LRRC37B: variants seen among roughly 807,000 people sequenced by gnomAD.
The protein encoded by LRRC37B is leucine-rich repeat-containing protein 37B.
Under a neutral mutation model 98.3 loss-of-function variants are expected in LRRC37B, and 28 were observed. That is an observed-to-expected ratio of 0.28 (90% CI 0.21 to 0.39). The LOEUF is 0.39. LRRC37B is among the 10% of genes least tolerant of loss of function. The probability of loss-of-function intolerance (pLI) is 1.00; values close to 1 mark genes in which losing one functional copy is unlikely to be tolerated. For missense variants in LRRC37B, 938 were observed against 1,182.7 expected, an observed-to-expected ratio of 0.79 and a Z score of 3.03; for synonymous variants, 364 against 442.7, an observed-to-expected ratio of 0.82 and a Z score of 2.23.
chr17:32,027,597 A>G (rs1238444469), intron 2 of LRRC37B, among the ~76,000 whole-genome samples, 172 bp from the exon 6 acceptor site: 1 of 151,794 alleles, frequency 6.6e-6, no homozygotes, highest in African/African-American at 2.4e-5. Context: ...GGTGGTGGAG[A>G]GGGATGAACA....
intron 1 of LRRC37B, among the ~76,000 whole-genome samples, chr17:32,013,382 A>G (rs1160670703): frequency 1.3e-5 from 2 of 151,962 alleles, no homozygotes; most frequent in Non-Finnish European, 2.9e-5. Context: ...CTTTTAATTA[A>G]TGTGTGTTGG....
chr17:32,014,234 G>A (rs1210713383), intron 1 of LRRC37B, among the ~76,000 whole-genome samples: 1 of 152,198 alleles, frequency 6.6e-6, no homozygotes, highest in Non-Finnish European at 1.5e-5. Flanking sequence ...ATCTAGTGAT[G>A]ATAAAGGCTA....
chr17:32,047,899 G>A (rs1324822399), exon 9 of LRRC37B: 8 of 1,613,978 alleles, frequency 5.0e-6, no homozygotes, highest in Non-Finnish European at 6.8e-6. Context: ...TCAGGCTTTG[G>A]GGGTGAGCAG....
upstream of LRRC37B, chr17:32,007,805 G>T: frequency 8.4e-7 from 1 of 1,185,064 alleles, no homozygotes; most frequent in South Asian, 4.2e-5. The surrounding 1 kb of genome is among the most constrained non-coding windows in gnomAD (Gnocchi z 4.1). Context: ...CGCCCAGGGT[G>T]GGCAGCAGTA....
At chr17:32,024,837 C>T in intron 2 of LRRC37B, 55 bp downstream of exon 5, 3 of 1,584,858 alleles carry the variant, frequency 1.9e-6, no homozygotes, top group South Asian at 1.1e-5. Context: ...TAAGATCCTT[C>T]TTGGTCCAGA....
At chr17:32,027,127 T>C (rs2142245588) in intron 2 of LRRC37B, among the ~76,000 whole-genome samples, 1 of 152,358 alleles carries the variant, frequency 6.6e-6, no homozygotes, top group African/African-American at 2.4e-5. Context: ...GGAAAAATGT[T>C]GAATGGCTTC....
upstream of LRRC37B, among the ~76,000 whole-genome samples, chr17:32,017,798 A>C (rs984438646): frequency 6.6e-6 from 1 of 152,198 alleles, no homozygotes; most frequent in African/African-American, 2.4e-5. Flanking sequence ...TCTCCAAAAA[A>C]AACAGAAAAC....
chr17:32,035,966 C>T (rs1400148736), intron 7 of LRRC37B: 1 of 243,406 alleles, frequency 4.1e-6, no homozygotes, highest in South Asian at 5.3e-5. Flanking sequence ...AATCATGTAG[C>T]ATGTAGCCTC....
chr17:32,048,098 C>T, intron 9 of LRRC37B, 197 bp downstream of exon 12: 4 of 1,012,342 alleles, frequency 4.0e-6, no homozygotes, highest in Non-Finnish European at 5.9e-6. Context: ...CACAGTCCAG[C>T]CTTCTAGGTA....
At chr17:32,049,251 C>A (rs771436560) in exon 10 of LRRC37B, 2 of 1,612,926 alleles carry the variant, frequency 1.2e-6, no homozygotes, top group Non-Finnish European at 1.7e-6. Context: ...GCTCATGTTG[C>A]GAACAGGCCT....
At chr17:32,009,560 G>T (rs1172705410) in intron 1 of LRRC37B, among the ~76,000 whole-genome samples, 1 of 151,364 alleles carries the variant, frequency 6.6e-6, no homozygotes, top group African/African-American at 2.4e-5. Flanking sequence ...GGCATGAGCC[G>T]CCATGCCTGG....
chr17:32,024,085 T>TG (rs1257901018), intron 1 of LRRC37B, among the ~76,000 whole-genome samples: 9 of 151,430 alleles, frequency 5.9e-5, no homozygotes, highest in African/African-American at 2.2e-4. Flanking sequence ...TATTTTATTT[T>TG]GTTTTTTTTG....
At chr17:32,040,312 G>A (rs1911386555) in intron 7 of LRRC37B, 1 of 335,478 alleles carries the variant, frequency 3.0e-6, no homozygotes, top group Admixed American at 4.2e-5. Context: ...AACTCGAGGT[G>A]GCCCCGGGGC....
At chr17:32,008,103 C>T (rs777867983) in exon 1 of LRRC37B, 5 of 407,774 alleles carry the variant, frequency 1.2e-5, no homozygotes, top group Non-Finnish European at 2.4e-5. Context: ...GCCAGTTACT[C>T]CACGGAAAGC....
rs545049167 is a variant in LRRC37B at position 32,041,777 on chromosome 17, G to C, written c.2205-3923G>C. 2.1e-3 allele frequency: 974 copies of C among 458,300 alleles called. 1 individual carries two copies. The highest frequency in any genetic ancestry group is 3.2e-3 in the Non-Finnish European group (729 of 228,130). 28.4% of individuals were successfully genotyped at this position (458,300 alleles called of 1,614,324 possible). A position where few individuals can be genotyped will look rare whatever the true frequency, so the allele number is the denominator to read the frequency against. ...ACGGCTCCCTTCCTCACTCCATGGCGCCGGCCTCCTCCCTGCTCCCCAACT... is the reference window on the plus strand; with the variant it reads ...ACGGCTCCCTTCCTCACTCCATGGCCCCGGCCTCCTCCCTGCTCCCCAACT... On this transcript the variant is annotated intron_variant, in intron 7 of 11. Transcript: ENST00000327564.
chr17:32,014,724 A>C (rs1910613494), intron 1 of LRRC37B, among the ~76,000 whole-genome samples: 1 of 152,196 alleles, frequency 6.6e-6, no homozygotes, highest in Non-Finnish European at 1.5e-5. Context: ...ATAGATAGAT[A>C]GATACATATA....
chr17:32,021,799 A>G lies in LRRC37B; in HGVS notation c.734A>G (p.Gln245Arg), dbSNP rs750143630. 8 of 1,614,140 alleles carry G rather than the reference A, an allele frequency of 5.0e-6. No homozygotes were observed. Among genetic ancestry groups the G allele is most frequent in the Non-Finnish European group, 6.8e-6 (8 of 1,180,052 alleles). ...CACCAATTATCCAAACCTCAGCGTC[A>G]GAAACAGACTTTGCCAGATGATTAT... The change falls in exon 1 of 12, where the codon CAG becomes CGG. Residue 245 changes from glutamine to arginine, a missense_variant. Gln to Arg is a conservative substitution (Grantham distance 43). Around this residue, in one of 2 missense-constraint regions of LRRC37B, gnomAD observed 610 missense variants for 625.6 expected, o/e 0.98. Coordinates refer to ENST00000327564, the Ensembl canonical transcript of LRRC37B.
At chr17:32,020,364 G>C (rs762498726), upstream of LRRC37B, among the ~76,000 whole-genome samples, 2 of 152,154 alleles carry the variant, frequency 1.3e-5, no homozygotes, top group Non-Finnish European at 2.9e-5. Flanking sequence ...CTCCATGTGT[G>C]CACACAGGGT....
Position 32,041,085 on chromosome 17 carries a change from C to A in LRRC37B, c.2205-4615C>A, listed in dbSNP as rs527820917. On this transcript the variant is annotated intron_variant, in intron 7 of 11. Coordinates refer to ENST00000327564, the Ensembl canonical transcript of LRRC37B. ...TCAACTCCGGGCCCTGGCGGAGGCGCAGCTGAACTACCACTGGCAGGCCAT... is the reference window on the plus strand; with the variant it reads ...TCAACTCCGGGCCCTGGCGGAGGCGAAGCTGAACTACCACTGGCAGGCCAT... The A allele has an allele frequency of 3.9e-4, 297 of 765,964 alleles. No homozygotes were observed. The African/African-American group carries it at 4.7e-3, about 12-fold the overall frequency. 47.4% of individuals were successfully genotyped at this position (765,964 alleles called of 1,614,324 possible). A position where few individuals can be genotyped will look rare whatever the true frequency, so the allele number is the denominator to read the frequency against.
Sources: gnomAD v4.1 joint callset for allele counts (sites outside exome capture counted in the v4.1 genomes callset) on GRCh38, gnomAD v4.1.1 for gene constraint, gnomAD v4.1.1 regional missense constraint, Gnocchi (gnomAD v3.1) non-coding constraint, MANE v1.5 for transcripts, NCBI Gene and HGNC (gene_info 2026-07-23, HGNC 2026-07-21) for gene names.